The following POLN variants were observed in gnomAD, a reference collection of about 807,000 sequenced individuals.
POLN encodes the protein DNA polymerase N.
A neutral mutation model predicts 113.5 loss-of-function variants in POLN; 108 were observed. The observed-to-expected ratio is 0.95, with a 90% confidence interval of 0.81 to 1.12. The LOEUF (loss-of-function observed/expected upper bound fraction) is 1.12. Among genes scored for constraint, POLN ranks in the 50% most tolerant of loss-of-function variants. The pLI is 0.00. For missense variants in POLN, 1,097 were observed against 1,077.1 expected (o/e 1.02, Z -0.26); for synonymous variants, 386 against 391.5 (o/e 0.99, Z 0.17).
chr4:2,139,175 C>A (rs1209649766), intron 16 of POLN, among the ~76,000 whole-genome samples: 1 of 152,178 alleles, frequency 6.6e-6, no homozygotes, highest in Non-Finnish European at 1.5e-5. Context: ...ACTGGGTCAC[C>A]AGCAGGGCAG....
intron 8 of POLN, among the ~76,000 whole-genome samples, chr4:2,176,543 G>A (rs962720335): frequency 1.3e-5 from 2 of 152,176 alleles, no homozygotes; most frequent in Admixed American, 6.5e-5. Context: ...GCAAGTGCAA[G>A]CTATCCATAG....
chr4:2,191,292 A>G (rs1019027360), intron 7 of POLN, among the ~76,000 whole-genome samples: 2 of 151,482 alleles, frequency 1.3e-5, no homozygotes, highest in African/African-American at 4.8e-5. Context: ...AGCAGATCTC[A>G]TGAAGGTAGA....
At chr4:2,139,731 ATATT>A (rs1254002856) in intron 16 of POLN, 2 of 152,244 alleles carry the variant, frequency 1.3e-5, no homozygotes, top group Non-Finnish European at 2.9e-5. Context: ...CTTTTGATAG[ATATT>A]TAAATTATAT....
At chr4:2,240,433 C>T (rs1166547308) in intron 2 of POLN, 2 of 1,613,902 alleles carry the variant, frequency 1.2e-6, no homozygotes, top group East Asian at 2.2e-5. Context: ...TGTGTAACTT[C>T]ATCAGTAAGA....
intron 23 of POLN, chr4:2,078,743 T>G (rs1730335571): frequency 1.0e-6 from 1 of 985,342 alleles, no homozygotes; most frequent in Non-Finnish European, 1.2e-6. Flanking sequence ...GCTTTGCATT[T>G]TGCTATGAGA....
chr4:2,156,084 G>A (rs554378629), intron 16 of POLN, among the ~76,000 whole-genome samples: 251 of 152,126 alleles, frequency 1.6e-3, no homozygotes, highest in Non-Finnish European at 2.9e-3. Context: ...CCACCGCCTC[G>A]GCCTCCCAAA....
intron 19 of POLN, among the ~76,000 whole-genome samples, chr4:2,112,045 C>T (rs373266878): frequency 6.6e-6 from 1 of 152,086 alleles, no homozygotes; most frequent in Non-Finnish European, 1.5e-5. Context: ...GAGATATAGA[C>T]CAATGGAACA....
chr4:2,172,866 C>T (rs986515856), intron 11 of POLN, among the ~76,000 whole-genome samples: 4 of 152,166 alleles, frequency 2.6e-5, no homozygotes, highest in Admixed American at 1.3e-4. Context: ...AGAGGTACAG[C>T]GTGGTTTGTA....
At chr4:2,152,651 T>C (rs1249967410) in intron 16 of POLN, among the ~76,000 whole-genome samples, 2 of 152,036 alleles carry the variant, frequency 1.3e-5, no homozygotes, top group African/African-American at 2.4e-5. Context: ...TCATGTAACC[T>C]ACATAGTATT....
At chr4:2,171,943 T>C (rs1732872134) in intron 11 of POLN, among the ~76,000 whole-genome samples, 1 of 151,888 alleles carries the variant, frequency 6.6e-6, no homozygotes, top group African/African-American at 2.4e-5. Context: ...GGATCCAACA[T>C]CACATAGAAC....
In POLN at chr4:2,077,534, A is replaced by T. The variant is rs559355304; in HGVS notation, c.2388-2015T>A. On this transcript the variant is annotated intron_variant, in intron 23 of 25. Coordinates refer to ENST00000511885, the MANE Select transcript of POLN (RefSeq NM_181808.4). The stretch of plus-strand genomic sequence containing the variant: ...CCCTTCCAGAAGTCAGAGGGGCGAC[A>T]GAGCCCCAGGCTGTCAGCACCAGCA... Among the ~76,000 whole-genome samples, 12 of 152,376 alleles carry T rather than the reference A, an allele frequency of 7.9e-5. 1 individual carries two copies. In the South Asian group the frequency reaches 2.5e-3, roughly 32 times the overall value.
At chr4:2,138,893 C>CAA (rs768293044) in intron 16 of POLN, among the ~76,000 whole-genome samples, 1 of 142,566 alleles carries the variant, frequency 7.0e-6, no homozygotes, top group African/African-American at 2.6e-5. Context: ...GACTCTGTCT[C>CAA]AAAAAAAAAG....
chr4:2,173,020 A>C (rs1034152498), intron 11 of POLN, among the ~76,000 whole-genome samples: 3 of 152,342 alleles, frequency 2.0e-5, no homozygotes, highest in South Asian at 2.1e-4. Flanking sequence ...GGCTGGGTAA[A>C]AGGCCACACG....
At chr4:2,199,132 TTA>T (rs1733651279) in intron 5 of POLN, among the ~76,000 whole-genome samples, 2 of 152,190 alleles carry the variant, frequency 1.3e-5, no homozygotes, top group African/African-American at 4.8e-5. Flanking sequence ...TAATATATTT[TTA>T]TATTCTAGCA....
intron 16 of POLN, among the ~76,000 whole-genome samples, chr4:2,152,904 A>AAAATAATATTTATTTATTAAATATT (rs1732329339): frequency 6.6e-6 from 1 of 152,246 alleles, no homozygotes; most frequent in Non-Finnish European, 1.5e-5. Flanking sequence ...TTTGGAAGGC[A>AAAATAATATTTATTTATTAAATATT]ATCTAATAAA....
intron 19 of POLN, among the ~76,000 whole-genome samples, chr4:2,117,677 GAAT>G (rs1731349734): frequency 6.6e-6 from 1 of 152,212 alleles, no homozygotes; most frequent in Non-Finnish European, 1.5e-5. Flanking sequence ...TGGCAGCTCT[GAAT>G]CCTGACTGGG....
chr4:2,094,620 A>T (rs1479661525), intron 20 of POLN, among the ~76,000 whole-genome samples: 1 of 152,220 alleles, frequency 6.6e-6, no homozygotes, highest in East Asian at 1.9e-4. Context: ...AGAGTTGAGC[A>T]CAGGTCTGCA....
Position 2,072,144 on chromosome 4 carries a change from G to C in POLN, c.2673C>G (p.Pro891=), listed in dbSNP as rs770668423. The change falls in exon 26 of 26, where the codon CCC becomes CCG. Residue 891 remains proline (P), a synonymous_variant. Transcript: ENST00000511885. ...PGSPASTQPP[P]LHFSPSFCL is the part of the protein sequence containing the mutation. Reference sequence around the variant, plus strand: ...GACAAAATGAAGGCGAAAAATGCAGGGGTGGGGGCTGGGTGCTGGCAGGGG... The same window carrying C: ...GACAAAATGAAGGCGAAAAATGCAGCGGTGGGGGCTGGGTGCTGGCAGGGG... 1.9e-6 allele frequency: 3 copies of C among 1,612,816 alleles called. No individual in the cohort carries two copies. The African/African-American group carries it at 4.0e-5, about 22-fold the overall frequency.
At chr4:2,124,589 T>A (rs901892707) in intron 19 of POLN, among the ~76,000 whole-genome samples, 2 of 152,152 alleles carry the variant, frequency 1.3e-5, no homozygotes, top group Non-Finnish European at 2.9e-5. Context: ...AATTGTAACA[T>A]TAAAAAGGTG....
Sources: gnomAD v4.1 joint callset for allele counts (sites outside exome capture counted in the v4.1 genomes callset) on GRCh38, gnomAD v4.1.1 for gene constraint, MANE v1.5 for transcripts, NCBI Gene and HGNC (gene_info 2026-07-23, HGNC 2026-07-21) for gene names.